The following UBP1 variants were observed in gnomAD, a reference collection of about 807,000 sequenced individuals.
The protein encoded by UBP1 is upstream-binding protein 1.
UBP1 carries 22 observed loss-of-function variants against 76.1 expected under a neutral mutation model. The ratio of observed to expected loss-of-function variants is 0.29; its 90% CI spans 0.21 to 0.41. UBP1 has a LOEUF of 0.41. UBP1 is among the 10% of genes least tolerant of loss of function. UBP1 has a pLI of 1.00. For synonymous variants in UBP1, 224 were observed against 237.1 expected (o/e 0.94, Z 0.51); for missense variants, 436 against 668.1 (o/e 0.65, Z 3.83).
At chr3:33,404,945 ATAT>A (rs752611344) in intron 8 of UBP1, among the ~76,000 whole-genome samples, 2 of 152,194 alleles carry the variant, frequency 1.3e-5, no homozygotes, top group Non-Finnish European at 2.9e-5. Context: ...ATTTCCAATA[ATAT>A]TTCTATTTTT....
intron 2 of UBP1, among the ~76,000 whole-genome samples, chr3:33,420,679 G>A (rs1575483507): frequency 6.6e-6 from 1 of 152,142 alleles, no homozygotes; most frequent in South Asian, 2.1e-4. Context: ...AGTGGAGACA[G>A]GGTTTCACCA....
intron 1 of UBP1, among the ~76,000 whole-genome samples, chr3:33,438,157 C>G (rs1455978495): frequency 2.0e-5 from 3 of 152,124 alleles, no homozygotes; most frequent in Non-Finnish European, 4.4e-5. Flanking sequence ...TGGAAATAAA[C>G]CATACACAGA....
At chr3:33,392,455 AATGAG>A in intron 15 of UBP1, 103 bp downstream of exon 15, 3 of 953,160 alleles carry the variant, frequency 3.1e-6, no homozygotes, top group Non-Finnish European at 4.5e-6. Flanking sequence ...TTCTTCTTAA[AATGAG>A]TAAAGCAATC....
chr3:33,428,181 CAAAAAAAAAA>C (rs59049122), intron 1 of UBP1, among the ~76,000 whole-genome samples: 2 of 57,234 alleles, frequency 3.5e-5, no homozygotes, highest in African/African-American at 6.2e-5. Context: ...GATTCCATCT[CAAAAAAAAAA>C]AAAAAAAAAA....
rs935201166 is a variant in UBP1, at chr3:33,417,207, T to C, written c.266-373A>G. On this transcript the variant is annotated intron_variant, in intron 2 of 15. Coordinates refer to ENST00000283629, the MANE Select transcript of UBP1 (RefSeq NM_014517.5). Reference sequence around the variant, plus strand: ...TCATTGGTTTTCAGTATAGTCAGAGTTGTGCAACCATCACCACTACCAGTT... The same window carrying C: ...TCATTGGTTTTCAGTATAGTCAGAGCTGTGCAACCATCACCACTACCAGTT... Among the ~76,000 whole-genome samples, 9 of 152,144 alleles carry C rather than the reference T, an allele frequency of 5.9e-5. 1 individual carries two copies. Among genetic ancestry groups the C allele is most frequent in the Admixed American group, 4.6e-4 (7 of 15,260 alleles).
chr3:33,433,129 C>A (rs2045141552), intron 1 of UBP1, among the ~76,000 whole-genome samples: 1 of 151,302 alleles, frequency 6.6e-6, no homozygotes, highest in Admixed American at 6.6e-5. Flanking sequence ...GGCGCGATCT[C>A]AGCTCACTGC....
rs1481414507 is a variant in UBP1, at chr3:33,439,797, C to T, written c.52G>A (p.Asp18Asn). 1.2e-6 allele frequency: 2 copies of T among 1,612,662 alleles called. No homozygotes were observed. Among genetic ancestry groups the T allele is most frequent in the African/African-American group, 2.7e-5 (2 of 74,894 alleles). ...DEVIESGLVH[D>N]FDASLSGIGQ... ...ATGCCCGAGAGGCTGGCGTCGAAGTCGTGCACCAGCCCGGACTCGATCACC... is the reference window on the plus strand; with the variant it reads ...ATGCCCGAGAGGCTGGCGTCGAAGTTGTGCACCAGCCCGGACTCGATCACC... Residue 18 changes from aspartate (D) to asparagine (N), a missense_variant, in exon 1 of 16, where the codon GAC (aspartate) becomes AAC (asparagine). Transcript: ENST00000283629.
In UBP1 at chr3:33,393,243, A is replaced by T. The variant is rs949884049; in HGVS notation, c.1533+69T>A. ...TCAAAAGAGGTCACAGAATTTTTCT[A>T]CAGTTCTACAATTACATGTATAAAA... is the stretch of plus-strand genomic sequence containing the variant. On this transcript the variant is annotated intron_variant, in intron 14 of 15. Coordinates refer to ENST00000283629, the MANE Select transcript of UBP1 (RefSeq NM_014517.5). 2.8e-6 allele frequency: 4 copies of T among 1,427,998 alleles called. No homozygotes were observed. In the African/African-American group the frequency reaches 5.9e-5, roughly 21 times the overall value. 88.5% of individuals were successfully genotyped at this position (1,427,998 alleles called of 1,614,324 possible).
chr3:33,432,838 A>C (rs767992932), intron 1 of UBP1, among the ~76,000 whole-genome samples: 1 of 152,220 alleles, frequency 6.6e-6, no homozygotes, highest in Non-Finnish European at 1.5e-5. Context: ...GTATTGCACC[A>C]AGTCTAATTT....
chr3:33,416,076 A>G (rs944604249), intron 3 of UBP1: 7 of 152,236 alleles, frequency 4.6e-5, no homozygotes, highest in African/African-American at 1.7e-4. Flanking sequence ...AGGGCCCAGC[A>G]GCACCTGGGC....
intron 13 of UBP1, among the ~76,000 whole-genome samples, chr3:33,394,304 C>G (rs570408857): frequency 9.9e-5 from 15 of 151,856 alleles, no homozygotes; most frequent in African/African-American, 3.1e-4. Context: ...GTTAGGCCTC[C>G]CAAAGTGCTG....
At chr3:33,427,998 C>T (rs141177295) in intron 1 of UBP1, among the ~76,000 whole-genome samples, 61 of 151,928 alleles carry the variant, frequency 4.0e-4, no homozygotes, top group African/African-American at 1.4e-3. Context: ...CGAGACATGG[C>T]GGGGGAAACC....
chr3:33,416,498 G>A (rs2044732523), intron 3 of UBP1, among the ~76,000 whole-genome samples: 1 of 152,096 alleles, frequency 6.6e-6, no homozygotes, highest in Admixed American at 6.6e-5. Context: ...AGGCTTATAG[G>A]TTTTTGTTGT....
chr3:33,433,296 A>G (rs1384943529), intron 1 of UBP1, among the ~76,000 whole-genome samples: 1 of 149,170 alleles, frequency 6.7e-6, no homozygotes, highest in African/African-American at 2.5e-5. Flanking sequence ...CCTGACCTCA[A>G]GAGATCCACC....
chr3:33,420,976 C>T (rs190333498), intron 2 of UBP1, among the ~76,000 whole-genome samples: 35 of 152,292 alleles, frequency 2.3e-4, no homozygotes, highest in Non-Finnish European at 4.7e-4. Flanking sequence ...TATTTGGGGA[C>T]TAACAAGGAG....
intron 13 of UBP1, among the ~76,000 whole-genome samples, chr3:33,395,942 C>G (rs576501313): frequency 6.6e-6 from 1 of 151,912 alleles, no homozygotes; most frequent in South Asian, 2.1e-4. Context: ...AAAAACAGAC[C>G]CATAGTGTGG....
chr3:33,402,690 GTTTCC>G, intron 9 of UBP1, 106 bp downstream of exon 9: 1 of 723,086 alleles, frequency 1.4e-6, no homozygotes, highest in Non-Finnish European at 2.1e-6. Flanking sequence ...TCCCCTTACT[GTTTCC>G]TTTAGGTACA....
At chr3:33,433,803 C>G (rs181872792) in intron 1 of UBP1, among the ~76,000 whole-genome samples, 3 of 152,078 alleles carry the variant, frequency 2.0e-5, no homozygotes, top group Non-Finnish European at 2.9e-5. Flanking sequence ...GGTCCAGCTA[C>G]TTGGGAGTTT....
intron 1 of UBP1, 105 bp downstream of exon 1, chr3:33,439,631 G>A (rs1456542713): frequency 1.3e-5 from 16 of 1,264,992 alleles, no homozygotes; most frequent in African/African-American, 3.1e-5. Flanking sequence ...CGCAGCCCAG[G>A]AGGCCCGCGC....
Sources: gnomAD v4.1 joint callset for allele counts (sites outside exome capture counted in the v4.1 genomes callset) on GRCh38, gnomAD v4.1.1 for gene constraint, MANE v1.5 for transcripts, NCBI Gene and HGNC (gene_info 2026-07-23, HGNC 2026-07-21) for gene names.